Variants in KIF13B observed in about 807,000 individuals in gnomAD.
The protein encoded by KIF13B is kinesin-like protein KIF13B.
A neutral mutation model predicts 222.0 loss-of-function variants in KIF13B; 127 were observed. That is an observed-to-expected ratio of 0.57 (90% confidence interval 0.50 to 0.66). The LOEUF is 0.66. Ranked by LOEUF, KIF13B falls within the 30% of genes least tolerant of loss-of-function variation. KIF13B has a pLI of 0.00. For missense variants in KIF13B, 2,173 were observed against 2,379.0 expected (o/e 0.91, Z 1.80); for synonymous variants, 976 against 919.0 (o/e 1.06, Z -1.12).
chr8:29,133,919 C>G (rs1467414546), intron 22 of KIF13B, 121 bp downstream of exon 22: 2 of 946,846 alleles, frequency 2.1e-6, no homozygotes, highest in Non-Finnish European at 3.1e-6. Flanking sequence ...AATCCCCACA[C>G]TCTACAGAAA....
Position 29,070,259 on chromosome 8 carries a change from C to G in KIF13B, c.*245G>C. On this transcript the variant is annotated 3_prime_UTR_variant, in exon 40 of 40. Transcript: ENST00000524189. This position sits in a 1 kb window ranked among gnomAD's most constrained non-coding sequence, Gnocchi z 4.1. ...TCTCAGTCCTAGCATCCCCCAGCCC[C>G]TGCGGGCACCCAGAACCTTCCATCC... is the stretch of plus-strand genomic sequence containing the variant. The G allele has an allele frequency of 1.8e-6, 1 of 566,144 alleles. No individual in the cohort carries two copies. Among genetic ancestry groups the G allele is most frequent in the South Asian group, 2.1e-5 (1 of 48,024 alleles). 35.1% of individuals were successfully genotyped at this position (566,144 alleles called of 1,614,324 possible). A position where few individuals can be genotyped will look rare whatever the true frequency, so the allele number is the denominator to read the frequency against.
chr8:29,130,452 C>T lies in KIF13B; in HGVS notation c.3075+81G>A, dbSNP rs1810294669. 16 of 1,401,524 alleles carry T rather than the reference C, an allele frequency of 1.1e-5. No individual in the cohort carries two copies. The East Asian group carries it at 1.6e-4, about 14-fold the overall frequency. 86.8% of individuals were successfully genotyped at this position (1,401,524 alleles called of 1,614,324 possible). A position where few individuals can be genotyped will look rare whatever the true frequency, so the allele number is the denominator to read the frequency against. On this transcript the variant is annotated intron_variant, in intron 24 of 39. Coordinates refer to ENST00000524189, the MANE Select transcript of KIF13B (RefSeq NM_015254.4). ...TTGGCCAGTCTAGATTTCATTATTGCCAACATTTCCACTAAAAAGAAGCCA... is the reference window on the plus strand; with the variant it reads ...TTGGCCAGTCTAGATTTCATTATTGTCAACATTTCCACTAAAAAGAAGCCA...
At chr8:29,223,696 A>G (rs571567243) in intron 2 of KIF13B, among the ~76,000 whole-genome samples, 30 of 152,218 alleles carry the variant, frequency 2.0e-4, no homozygotes, top group Non-Finnish European at 3.2e-4. Context: ...TTGAAAATAA[A>G]TAAGAATGAA....
intron 37 of KIF13B, 23 bp downstream of exon 37, chr8:29,092,722 G>A: frequency 6.3e-7 from 1 of 1,599,266 alleles, no homozygotes; most frequent in Non-Finnish European, 8.5e-7. Context: ...AACGTTCACA[G>A]CTGTTTTCTC....
intron 2 of KIF13B, among the ~76,000 whole-genome samples, chr8:29,209,971 A>G (rs1814140059): frequency 6.6e-6 from 1 of 151,844 alleles, no homozygotes; most frequent in Admixed American, 6.6e-5. Context: ...CAGGAGGATC[A>G]CTTGAGACCA....
chr8:29,119,394 T>G (rs981542178), intron 29 of KIF13B, among the ~76,000 whole-genome samples: 1 of 152,182 alleles, frequency 6.6e-6, no homozygotes, highest in Non-Finnish European at 1.5e-5. Context: ...AAGGTTCCAC[T>G]GGCTGCATGG....
intron 2 of KIF13B, among the ~76,000 whole-genome samples, chr8:29,209,885 CAAAAAAA>C (rs11414197): frequency 9.3e-6 from 1 of 107,514 alleles, no homozygotes. Flanking sequence ...TACCTCTCCA[CAAAAAAA>C]AAAAAAAAAA....
At chr8:29,232,023 G>A (rs1156494895) in intron 2 of KIF13B, among the ~76,000 whole-genome samples, 1 of 152,224 alleles carries the variant, frequency 6.6e-6, no homozygotes, top group African/African-American at 2.4e-5. Context: ...GGGAGGCTGA[G>A]GAAAGCTAAT....
At chr8:29,182,545 C>T (rs888563828) in intron 6 of KIF13B, among the ~76,000 whole-genome samples, 10 of 150,246 alleles carry the variant, frequency 6.7e-5, no homozygotes, top group African/African-American at 1.7e-4. Flanking sequence ...TTTCAATAAA[C>T]GCATGAAAAA....
At chr8:29,251,709 A>G (rs1017447595) in intron 1 of KIF13B, among the ~76,000 whole-genome samples, 6 of 152,188 alleles carry the variant, frequency 3.9e-5, no homozygotes, top group Admixed American at 1.3e-4. Context: ...GTGATACAAC[A>G]ATGTGAAATG....
chr8:29,079,108 C>G (rs1366316443), intron 37 of KIF13B, among the ~76,000 whole-genome samples: 2 of 152,184 alleles, frequency 1.3e-5, no homozygotes, highest in African/African-American at 4.8e-5. Context: ...TCCAAGGGGA[C>G]ACACCTTGCT....
At chr8:29,181,024 T>C (rs1178004967) in intron 7 of KIF13B, among the ~76,000 whole-genome samples, 3 of 152,228 alleles carry the variant, frequency 2.0e-5, no homozygotes, top group Admixed American at 2.0e-4. Context: ...ACTTGGCACA[T>C]ATGGCCGAGC....
At chr8:29,166,388 A>G (rs1288364375) in intron 11 of KIF13B, among the ~76,000 whole-genome samples, 1 of 152,180 alleles carries the variant, frequency 6.6e-6, no homozygotes, top group African/African-American at 2.4e-5. Context: ...AACTGTGGGA[A>G]GAGAAATGCT....
rs114615544 is a variant in KIF13B at position 29,151,417 on chromosome 8, A to T, written c.1536-1034T>A. ...GATGAAACAGACTTCTACTGGAAGA[A>T]GATGTCATCTCGAACTTTCTTAGCT... On this transcript the variant is annotated intron_variant, in intron 14 of 39. Transcript: ENST00000524189. 6.3e-3 allele frequency among the ~76,000 whole-genome samples: 957 copies of T among 152,346 alleles called. 8 individuals carry two copies. The highest frequency in any genetic ancestry group is 0.022 in the African/African-American group (931 of 41,576).
At chr8:29,103,926 C>T (rs1463829363) in intron 35 of KIF13B, among the ~76,000 whole-genome samples, 2 of 152,170 alleles carry the variant, frequency 1.3e-5, no homozygotes, top group Non-Finnish European at 2.9e-5. Context: ...TAATCCCCAG[C>T]CCTGCACGGA....
At chr8:29,118,722 T>G in intron 30 of KIF13B, 146 bp downstream of exon 30, 1 of 774,982 alleles carries the variant, frequency 1.3e-6, no homozygotes, top group African/African-American at 1.7e-5. Flanking sequence ...AGCTCCATTC[T>G]TCTGGAAGTC....
chr8:29,121,886 ACACC>A (rs1429284884), intron 29 of KIF13B, among the ~76,000 whole-genome samples: 5 of 152,196 alleles, frequency 3.3e-5, no homozygotes, highest in Admixed American at 3.3e-4. Flanking sequence ...TGCTAAGAAA[ACACC>A]ACAAGAAGGA....
chr8:29,163,726 G>C (rs984812604), intron 12 of KIF13B, among the ~76,000 whole-genome samples: 1 of 152,200 alleles, frequency 6.6e-6, no homozygotes, highest in Non-Finnish European at 1.5e-5. Context: ...AGGAGCTGTT[G>C]AATAAAATCA....
In KIF13B at chr8:29,072,257, C is replaced by G. The variant is rs1033074771; in HGVS notation, c.4581G>C (p.Lys1527Asn). 2.0e-6 allele frequency: 3 copies of G among 1,471,394 alleles called. No individual in the cohort carries two copies. The African/African-American group carries it at 4.4e-5, about 22-fold the overall frequency. The allele number at this position is 1,471,394 out of a possible 1,614,324, so 91.1% of individuals were successfully genotyped here. The change falls in exon 39 of 40, where the codon AAG becomes AAC. Residue 1527 changes from lysine to asparagine, a missense_variant. This residue lies in a region of KIF13B where 693 missense variants were observed against 656.2 expected (regional missense o/e 1.06). Coordinates refer to ENST00000524189, the MANE Select transcript of KIF13B (RefSeq NM_015254.4). ...LVQTMGAPALKICDKPAKVPS... is the reference protein window; with the variant it reads ...LVQTMGAPALNICDKPAKVPS... ...GCACTTTGGCAGGTTTGTCGCAGAT[C>G]TTCAAGGCCGGGGCCCCCATCGTCT...
Sources: gnomAD v4.1 joint callset for allele counts (sites outside exome capture counted in the v4.1 genomes callset) on GRCh38, gnomAD v4.1.1 for gene constraint, gnomAD v4.1.1 regional missense constraint, Gnocchi (gnomAD v3.1) non-coding constraint, MANE v1.5 for transcripts, NCBI Gene and HGNC (gene_info 2026-07-23, HGNC 2026-07-21) for gene names.